Variants in ZNF385A observed in about 807,000 individuals in gnomAD.
ZNF385A encodes zinc finger protein 385A.
ZNF385A carries 14 observed loss-of-function variants against 32.1 expected under a neutral mutation model. The ratio of observed to expected loss-of-function variants is 0.44; its 90% CI spans 0.29 to 0.68. The LOEUF (loss-of-function observed/expected upper bound fraction) is 0.68, where lower values mean the gene tolerates loss of function less well. ZNF385A is among the 30% of genes least tolerant of loss of function. The pLI is 0.14. For missense variants in ZNF385A, 406 were observed against 478.4 expected (o/e 0.85, Z 1.41); for synonymous variants, 197 against 202.7 (o/e 0.97, Z 0.24).
rs760267347 is a variant in ZNF385A, at chr12:54,371,463, G to T, written c.604+10C>A. On this transcript the variant is annotated intron_variant, in intron 4 of 6. Coordinates refer to ENST00000394313, the MANE Select transcript of ZNF385A (RefSeq NM_015481.3). ...CAGGAGAGTCTGGGTGGGGGCAGGG[G>T]AGTCCATACCTTTGTTATGTGCCTC... 1 of 1,601,304 alleles carries T rather than the reference G, an allele frequency of 6.2e-7. No homozygotes were observed. The highest frequency in any genetic ancestry group is 1.1e-5 in the South Asian group (1 of 90,362).
chr12:54,370,616 C>T lies in ZNF385A; in HGVS notation c.870+10G>A, dbSNP rs1408434603. 6.3e-7 allele frequency: 1 copy of T among 1,593,250 alleles called. No homozygotes were observed. Among genetic ancestry groups the T allele is most frequent in the Non-Finnish European group, 8.5e-7 (1 of 1,169,968 alleles). On this transcript the variant is annotated intron_variant, in intron 6 of 6. Coordinates refer to ENST00000394313, the MANE Select transcript of ZNF385A (RefSeq NM_015481.3). This position sits in a 1 kb window ranked among gnomAD's most constrained non-coding sequence, Gnocchi z 5.5. ...CTCCCACTGCTGAATTCCCAGCATC[C>T]AGGCCTCACCGCCAGCTCCCCGGCG... is the stretch of plus-strand genomic sequence containing the variant.
At chr12:54,391,017 C>T (rs1955625829) in intron 1 of ZNF385A, among the ~76,000 whole-genome samples, 1 of 152,026 alleles carries the variant, frequency 6.6e-6, no homozygotes, top group South Asian at 2.1e-4. Context: ...TCCCGCTTTA[C>T]CACTCCCTAA....
In ZNF385A at chr12:54,370,254, G is replaced by A; in HGVS notation, c.*2C>T. 2 of 1,454,376 alleles carry A rather than the reference G, an allele frequency of 1.4e-6. No homozygotes were observed. The highest frequency in any genetic ancestry group is 2.9e-5 in the South Asian group (2 of 68,248). The allele number at this position is 1,454,376 out of a possible 1,614,324, so 90.1% of individuals were successfully genotyped here. A position where few individuals can be genotyped will look rare whatever the true frequency, so the allele number is the denominator to read the frequency against. On this transcript the variant is annotated 3_prime_UTR_variant, in exon 7 of 7. Transcript: ENST00000394313. The surrounding 1 kb of genome is among the most constrained non-coding windows in gnomAD (Gnocchi z 5.5). ...TTGAATGGGAGGGGTTCAGGGTTGA[G>A]GTCAGTACGGGGAGAAGAGGATGGG...
At chr12:54,387,982 T>C (rs1454605489), upstream of ZNF385A, among the ~76,000 whole-genome samples, 1 of 151,966 alleles carries the variant, frequency 6.6e-6, no homozygotes, top group East Asian at 1.9e-4. Flanking sequence ...TTTTGACTTC[T>C]AGCTAGGTAA....
Position 54,370,522 on chromosome 12 carries a change from C to CCGG in ZNF385A, c.871-39_871-37dup. 1.3e-6 allele frequency: 2 copies of CCGG among 1,550,632 alleles called. No individual in the cohort carries two copies. The highest frequency in any genetic ancestry group is 1.7e-6 in the Non-Finnish European group (2 of 1,146,560). On this transcript the variant is annotated intron_variant, in intron 6 of 6. Coordinates refer to ENST00000394313, the MANE Select transcript of ZNF385A (RefSeq NM_015481.3). This position sits in a 1 kb window ranked among gnomAD's most constrained non-coding sequence, Gnocchi z 5.5. The stretch of plus-strand genomic sequence containing the variant: ...CGAAAGGCGGAGGAAGAGAAGTCAC[C>CCGG]CGGCGGTCCTGCAAACCCCACCTCT...
intron 3 of ZNF385A, among the ~76,000 whole-genome samples, chr12:54,373,326 G>C (rs1321652121): frequency 6.6e-6 from 1 of 152,106 alleles, no homozygotes; most frequent in African/African-American, 2.4e-5. Flanking sequence ...ATCCCAGGAT[G>C]GGGGTGGCTC....
At position 54,384,429 on chromosome 12, in the gene ZNF385A, G is replaced by A; in HGVS notation, c.86C>T (p.Thr29Ile). 1 of 1,585,094 alleles carries A rather than the reference G, an allele frequency of 6.3e-7. No homozygotes were observed. Among genetic ancestry groups the A allele is most frequent in the Non-Finnish European group, 8.6e-7 (1 of 1,165,716 alleles). ...GAAGGCAGGCAGGCTGCTACTTACG[G>A]TGCTGTAGTTGCTGAAGAGGCCAAG... is the stretch of plus-strand genomic sequence containing the variant. ...PTLGLFSNYS[T>I]MDPVQKAVLS... is the part of the protein sequence containing the mutation. Residue 29 changes from threonine (T) to isoleucine (I), a missense_variant and splice_region_variant, in exon 1 of 7, where the codon ACC becomes ATC. Coordinates refer to ENST00000394313, the MANE Select transcript of ZNF385A (RefSeq NM_015481.3).
At chr12:54,374,532 G>A (rs533138456) in intron 2 of ZNF385A, among the ~76,000 whole-genome samples, 2 of 152,172 alleles carry the variant, frequency 1.3e-5, no homozygotes, top group Non-Finnish European at 2.9e-5. Flanking sequence ...CAAGTCCTCT[G>A]CCCCTAGGAT....
intron 1 of ZNF385A, 116 bp downstream of exon 1, chr12:54,384,312 G>T: frequency 4.0e-6 from 5 of 1,239,772 alleles, no homozygotes; most frequent in Non-Finnish European, 5.5e-6. Flanking sequence ...AATTAAGGAA[G>T]ATGGGGTCAT....
chr12:54,384,767 C>T (rs1488248814), upstream of ZNF385A: 5 of 1,255,964 alleles, frequency 4.0e-6, no homozygotes, highest in East Asian at 6.3e-5. Flanking sequence ...GTAGACCAGT[C>T]CTTCCCTTCT....
upstream of ZNF385A, chr12:54,385,769 T>A: frequency 1.7e-6 from 1 of 578,908 alleles, no homozygotes; most frequent in Non-Finnish European, 2.2e-6. Context: ...GGTTCTGCCC[T>A]CTGCCCCCTC....
intron 2 of ZNF385A, among the ~76,000 whole-genome samples, chr12:54,374,783 T>G (rs368238040): frequency 6.6e-6 from 1 of 152,064 alleles, no homozygotes; most frequent in Non-Finnish European, 1.5e-5. Flanking sequence ...TATCTGCTGT[T>G]GGCTCCCTGC....
At chr12:54,377,485 G>A (rs1954908282) in intron 1 of ZNF385A, among the ~76,000 whole-genome samples, 1 of 152,188 alleles carries the variant, frequency 6.6e-6, no homozygotes, top group African/African-American at 2.4e-5. Context: ...CATGGGTGGA[G>A]TGTGAATAAG....
intron 1 of ZNF385A, among the ~76,000 whole-genome samples, chr12:54,378,292 G>T (rs1954945689): frequency 6.6e-6 from 1 of 152,188 alleles, no homozygotes; most frequent in South Asian, 2.1e-4. Context: ...CTAGATGAGG[G>T]CTCCCTGGGG....
At chr12:54,377,344 G>A (rs1049002634) in intron 1 of ZNF385A, among the ~76,000 whole-genome samples, 1 of 152,158 alleles carries the variant, frequency 6.6e-6, no homozygotes, top group East Asian at 1.9e-4. Flanking sequence ...ACTCTTGGTT[G>A]GAAAGAAGCC....
intron 2 of ZNF385A, among the ~76,000 whole-genome samples, chr12:54,374,858 C>T (rs766086097): frequency 2.0e-5 from 3 of 152,244 alleles, no homozygotes; most frequent in South Asian, 4.2e-4. Context: ...TGCCTGGGGT[C>T]CAAGCTAAAG....
chr12:54,373,099 T>C, intron 3 of ZNF385A: 1 of 171,340 alleles, frequency 5.8e-6, no homozygotes, highest in Non-Finnish European at 1.3e-5. Flanking sequence ...GCCCACTCAC[T>C]CTGACTGTGC....
At chr12:54,384,123 C>T (rs1403272403) in intron 1 of ZNF385A, among the ~76,000 whole-genome samples, 2 of 152,152 alleles carry the variant, frequency 1.3e-5, no homozygotes, top group East Asian at 3.9e-4. Flanking sequence ...TTACTACCAC[C>T]AATTTAAGTC....
At position 54,370,116 on chromosome 12, in the gene ZNF385A, C is replaced by T; in HGVS notation, c.*140G>A. The T allele has an allele frequency of 1.4e-6, 1 of 707,358 alleles. No homozygotes were observed. The highest frequency in any genetic ancestry group is 2.1e-6 in the Non-Finnish European group (1 of 474,814). 43.8% of individuals were successfully genotyped at this position (707,358 alleles called of 1,614,324 possible). A position where few individuals can be genotyped will look rare whatever the true frequency, so the allele number is the denominator to read the frequency against. ...CCTCCCCCGCTACCCCTCCCCTTTC[C>T]TGGAACCCCGTATCTCGGGGTGGGG... On this transcript the variant is annotated 3_prime_UTR_variant, in exon 7 of 7. Transcript: ENST00000394313. The surrounding 1 kb of genome is among the most constrained non-coding windows in gnomAD (Gnocchi z 5.5).
Sources: allele counts gnomAD v4.1 joint callset (sites outside exome capture counted in the v4.1 genomes callset), GRCh38; gene constraint gnomAD v4.1.1; non-coding constraint Gnocchi (gnomAD v3.1); transcripts MANE v1.5; gene names NCBI Gene and HGNC (gene_info 2026-07-23, HGNC 2026-07-21).